Variants in GRIP1 observed in about 807,000 individuals in gnomAD.
The protein encoded by GRIP1 is glutamate receptor-interacting protein 1.
A neutral mutation model predicts 129.9 loss-of-function variants in GRIP1; 45 were observed. The observed-to-expected ratio is 0.35, with a 90% CI of 0.27 to 0.44. The LOEUF is 0.44. GRIP1 is among the 20% of genes least tolerant of loss of function. The probability of loss-of-function intolerance (pLI) is 1.00; values close to 1 mark genes in which losing one functional copy is unlikely to be tolerated. For synonymous variants in GRIP1, 530 were observed against 520.8 expected (o/e 1.02, Z -0.24); for missense variants, 1,196 against 1,396.8 (o/e 0.86, Z 2.29).
intron 1 of GRIP1, among the ~76,000 whole-genome samples, chr12:66,721,099 G>T (rs960439557): frequency 2.0e-5 from 3 of 152,120 alleles, no homozygotes; most frequent in Non-Finnish European, 1.5e-5. Flanking sequence ...GTGTTAGCAG[G>T]CATGAAAACA....
intron 7 of GRIP1, among the ~76,000 whole-genome samples, chr12:66,471,242 A>C (rs2059430994): frequency 6.6e-6 from 1 of 152,248 alleles, no homozygotes; most frequent in Non-Finnish European, 1.5e-5. Context: ...AATACAAAGA[A>C]ACAACCAGGA....
intron 11 of GRIP1, 104 bp downstream of exon 11, chr12:66,455,305 T>C: frequency 9.5e-7 from 1 of 1,050,750 alleles, no homozygotes; most frequent in East Asian, 2.4e-5. Flanking sequence ...ACCTGATCAC[T>C]TAAGCAACTG....
At chr12:66,834,124 G>T (rs2039567034) in intron 1 of GRIP1, among the ~76,000 whole-genome samples, 1 of 132,246 alleles carries the variant, frequency 7.6e-6, no homozygotes, top group Non-Finnish European at 1.5e-5. Flanking sequence ...GTTGCAGTGA[G>T]CCCAGATCGT....
intron 7 of GRIP1, among the ~76,000 whole-genome samples, chr12:66,498,013 G>A (rs57688886): frequency 0.074 from 11,279 of 151,874 alleles, 1,355 homozygotes; most frequent in African/African-American, 0.26. Flanking sequence ...ACCCCCACTG[G>A]GCACCTTGCG....
intron 24 of GRIP1, 128 bp from the exon 25 acceptor site, chr12:66,349,374 A>G (rs565524110): frequency 4.2e-5 from 31 of 743,074 alleles, no homozygotes; most frequent in Non-Finnish European, 6.6e-5. Context: ...CATGAGGTCT[A>G]TCCTTGTGAC....
At chr12:66,562,639 A>C (rs2062579526) in intron 2 of GRIP1, among the ~76,000 whole-genome samples, 2 of 152,164 alleles carry the variant, frequency 1.3e-5, no homozygotes, top group Non-Finnish European at 2.9e-5. Flanking sequence ...CCATATTTAC[A>C]GTAGAAGGAG....
At chr12:66,661,475 GT>G (rs142404210) in intron 1 of GRIP1, among the ~76,000 whole-genome samples, 85,512 of 126,518 alleles carry the variant, frequency 0.68, 27,895 homozygotes, top group Admixed American at 0.75. Flanking sequence ...AAAAAAAAAG[GT>G]GGAGGGGAGA....
intron 1 of GRIP1, among the ~76,000 whole-genome samples, chr12:66,748,358 C>T (rs2037018882): frequency 1.3e-5 from 2 of 152,146 alleles, no homozygotes; most frequent in Admixed American, 6.5e-5. Context: ...GGTGCAAATC[C>T]TGGCATCACC....
chr12:66,990,078 G>A, intron 1 of GRIP1, among the ~76,000 whole-genome samples: 1 of 152,164 alleles, frequency 6.6e-6, no homozygotes, highest in Non-Finnish European at 1.5e-5. Flanking sequence ...TCATTAAAAG[G>A]GATGGTACAT....
At chr12:66,481,673 C>T (rs550915819) in intron 7 of GRIP1, among the ~76,000 whole-genome samples, 1 of 152,204 alleles carries the variant, frequency 6.6e-6, no homozygotes, top group African/African-American at 2.4e-5. Context: ...GCACTGTTCA[C>T]AATAGCAAAG....
intron 4 of GRIP1, among the ~76,000 whole-genome samples, chr12:66,534,416 C>T (rs1305248634): frequency 2.0e-5 from 3 of 152,154 alleles, no homozygotes; most frequent in African/African-American, 7.2e-5. Flanking sequence ...AGCCTCTGGT[C>T]TTTTCTCTAT....
chr12:66,565,964 T>C (rs1414514415), intron 2 of GRIP1, among the ~76,000 whole-genome samples: 1 of 152,246 alleles, frequency 6.6e-6, no homozygotes, highest in Non-Finnish European at 1.5e-5. Context: ...TTTTTGTACA[T>C]TGATTTTGTA....
chr12:66,904,053 T>A (rs1469770719), intron 1 of GRIP1, among the ~76,000 whole-genome samples: 1 of 152,252 alleles, frequency 6.6e-6, no homozygotes, highest in East Asian at 1.9e-4. Context: ...TAATTTTATG[T>A]GTGCTATAAG....
chr12:66,370,647 G>A (rs982455465), intron 23 of GRIP1, among the ~76,000 whole-genome samples: 2 of 152,142 alleles, frequency 1.3e-5, no homozygotes, highest in African/African-American at 4.8e-5. Flanking sequence ...AAGAAAGATG[G>A]CATGAGATTG....
chr12:66,776,624 C>A (rs1348784019), intron 1 of GRIP1, among the ~76,000 whole-genome samples: 2 of 152,112 alleles, frequency 1.3e-5, no homozygotes. Context: ...AAATACAGAG[C>A]AATATTTGCT....
chr12:66,707,630 C>T (rs1449055394), intron 1 of GRIP1, among the ~76,000 whole-genome samples: 1 of 151,128 alleles, frequency 6.6e-6, no homozygotes, highest in Admixed American at 6.6e-5. Context: ...AGATTTTTTG[C>T]AAGTGGGGGA....
chr12:67,020,948 T>C (rs997305597), intron 1 of GRIP1, among the ~76,000 whole-genome samples: 6 of 151,566 alleles, frequency 4.0e-5, no homozygotes, highest in Non-Finnish European at 5.9e-5. Context: ...AATACAAAAA[T>C]TTAGCCAGGC....
At chr12:66,606,533 TAC>T (rs1027780825) in intron 1 of GRIP1, among the ~76,000 whole-genome samples, 34 of 152,282 alleles carry the variant, frequency 2.2e-4, no homozygotes, top group African/African-American at 7.7e-4. Context: ...AGCTAATACT[TAC>T]AGAGCATTCA....
chr12:66,529,024 C>G (rs1272532297), intron 5 of GRIP1, among the ~76,000 whole-genome samples: 3 of 151,684 alleles, frequency 2.0e-5, no homozygotes, highest in African/African-American at 7.3e-5. Context: ...TAAAAATGGC[C>G]AACAAACATA....
Sources: allele counts gnomAD v4.1 joint callset (sites outside exome capture counted in the v4.1 genomes callset), GRCh38; gene constraint gnomAD v4.1.1; transcripts MANE v1.5; gene names NCBI Gene and HGNC (gene_info 2026-07-23, HGNC 2026-07-21).